The following EPHA6 variants were observed in gnomAD, a reference collection of about 807,000 sequenced individuals.
EPHA6 encodes EPH receptor A6.
EPHA6 carries 50 observed loss-of-function variants against 112.0 expected under a neutral mutation model. That is an observed-to-expected ratio of 0.45 (90% CI 0.36 to 0.56). EPHA6 has a LOEUF of 0.56. EPHA6 is among the 20% of genes least tolerant of loss of function. The probability of loss-of-function intolerance (pLI) is 0.00; values close to 1 mark genes in which losing one functional copy is unlikely to be tolerated. For missense variants in EPHA6, 1,280 were observed against 1,417.4 expected (o/e 0.90, Z 1.56); for synonymous variants, 529 against 490.7 (o/e 1.08, Z -1.03).
At chr3:97,609,120 A>G (rs1419146180) in intron 12 of EPHA6, among the ~76,000 whole-genome samples, 2 of 151,402 alleles carry the variant, frequency 1.3e-5, no homozygotes, top group East Asian at 3.9e-4. Context: ...TTCCTCTGAC[A>G]GCAACAGTCA....
intron 14 of EPHA6, among the ~76,000 whole-genome samples, chr3:97,684,660 G>A (rs922443377): frequency 2.0e-5 from 3 of 152,110 alleles, no homozygotes; most frequent in South Asian, 2.1e-4. Context: ...ACTGCAAAGC[G>A]ATTTTTAAGA....
chr3:97,024,352 T>C lies in EPHA6; in HGVS notation c.1114+36359T>C, dbSNP rs1463636602. Among the ~76,000 whole-genome samples the C allele has an allele frequency of 2.0e-5, 3 of 152,186 alleles. No individual in the cohort carries two copies. In the East Asian group the frequency reaches 5.8e-4, roughly 29 times the overall value. ...AATATGTCTTTATTGTAGCTTGCTG[T>C]GATTTCATGTAAAGAACATGCCATT... is the stretch of plus-strand genomic sequence containing the variant. On this transcript the variant is annotated intron_variant, in intron 3 of 17. Transcript: ENST00000389672.
chr3:97,391,122 A>C (rs2086370792), intron 5 of EPHA6, among the ~76,000 whole-genome samples: 2 of 151,896 alleles, frequency 1.3e-5, no homozygotes, highest in African/African-American at 4.8e-5. Context: ...TATTATAATT[A>C]TCTTTTTTTT....
chr3:97,520,836 A>T (rs1003126267), intron 10 of EPHA6, among the ~76,000 whole-genome samples: 4 of 152,176 alleles, frequency 2.6e-5, no homozygotes, highest in Non-Finnish European at 5.9e-5. Context: ...AACATTGAAA[A>T]TTTGAATATT....
Position 97,747,514 on chromosome 3 carries a change from AAT to A in EPHA6, c.3222_3223del (p.Asn1074LysfsTer11). The A allele has an allele frequency of 6.2e-7, 1 of 1,611,100 alleles. No individual in the cohort carries two copies. Among genetic ancestry groups the A allele is most frequent in the Non-Finnish European group, 8.5e-7 (1 of 1,178,384 alleles). ...LDSIKMGQYK[N>X]NFVAAGFTTF... ...TTCTATAAAGATGGGGCAATACAAG[AAT>A]AACTTCGTGGCAGCAGGGTTTACAA... is the stretch of plus-strand genomic sequence containing the variant. On this transcript the variant is annotated frameshift_variant, in exon 17 of 18. Coordinates refer to ENST00000389672, the MANE Select transcript of EPHA6 (RefSeq NM_001080448.3). LOFTEE classifies it high-confidence loss of function.
intron 3 of EPHA6, among the ~76,000 whole-genome samples, chr3:97,019,067 A>G (rs904196077): frequency 6.6e-6 from 1 of 152,200 alleles, no homozygotes; most frequent in Non-Finnish European, 1.5e-5. Flanking sequence ...AGGGAGGATT[A>G]TTATAGTATT....
chr3:97,240,624 G>A (rs770250477), intron 4 of EPHA6, among the ~76,000 whole-genome samples: 4 of 151,834 alleles, frequency 2.6e-5, no homozygotes, highest in South Asian at 2.1e-4. Flanking sequence ...GATTATAAAC[G>A]TGAAACATAA....
chr3:97,017,369 C>T (rs78025523), intron 3 of EPHA6, among the ~76,000 whole-genome samples: 3,644 of 152,222 alleles, frequency 0.024, 155 homozygotes, highest in African/African-American at 0.083. Flanking sequence ...GAAAGCAAAA[C>T]CAGGCTGAAC....
chr3:97,582,688 A>G (rs1206566685), intron 11 of EPHA6, among the ~76,000 whole-genome samples: 2 of 152,176 alleles, frequency 1.3e-5, no homozygotes, highest in South Asian at 2.1e-4. Flanking sequence ...TTCCCTGATT[A>G]TCTACAAAAC....
chr3:97,523,532 AG>A (rs1469082858), intron 10 of EPHA6, among the ~76,000 whole-genome samples: 7 of 152,066 alleles, frequency 4.6e-5, no homozygotes, highest in South Asian at 4.1e-4. Flanking sequence ...TATACCTGTT[AG>A]GTCCATTTGG....
At chr3:97,176,398 A>G (rs2076835910) in intron 3 of EPHA6, among the ~76,000 whole-genome samples, 2 of 151,804 alleles carry the variant, frequency 1.3e-5, no homozygotes, top group South Asian at 4.1e-4. Context: ...GTAGTGGGAT[A>G]ATACTGGGCT....
At chr3:97,133,605 G>T (rs920774513) in intron 3 of EPHA6, among the ~76,000 whole-genome samples, 1 of 151,936 alleles carries the variant, frequency 6.6e-6, no homozygotes, top group Non-Finnish European at 1.5e-5. Context: ...CAAACATAAA[G>T]TTACAATGTA....
chr3:96,939,802 G>C (rs1487258748), intron 2 of EPHA6, among the ~76,000 whole-genome samples: 1 of 152,116 alleles, frequency 6.6e-6, no homozygotes, highest in Non-Finnish European at 1.5e-5. Context: ...GGTATGTTGT[G>C]TCTTTGTTCC....
chr3:96,934,023 A>G (rs749784595), intron 2 of EPHA6, among the ~76,000 whole-genome samples: 7 of 152,006 alleles, frequency 4.6e-5, no homozygotes, highest in Non-Finnish European at 8.8e-5. Context: ...AATAAATTTG[A>G]TATTTATTAC....
intron 5 of EPHA6, among the ~76,000 whole-genome samples, chr3:97,384,765 A>G (rs1263436525): frequency 6.6e-6 from 1 of 151,986 alleles, no homozygotes; most frequent in South Asian, 2.1e-4. Flanking sequence ...CTTTTTTGAT[A>G]TTTACAATTT....
chr3:96,928,090 A>G (rs187614240), intron 2 of EPHA6, among the ~76,000 whole-genome samples: 16 of 152,198 alleles, frequency 1.1e-4, no homozygotes, highest in African/African-American at 3.9e-4. Context: ...CCCCCATGAC[A>G]TGATCACCTC....
intron 5 of EPHA6, among the ~76,000 whole-genome samples, chr3:97,324,395 G>GCTTTCCTTCTTTTCTTTCTTTCTTT (rs2108793323): frequency 8.2e-6 from 1 of 121,564 alleles, no homozygotes; most frequent in African/African-American, 3.0e-5. Flanking sequence ...AGATTTCTTT[G>GCTTTCCTTCTTTTCTTTCTTTCTTT]CTTTCCTTCT....
chr3:97,210,547 A>G (rs2077840850), intron 3 of EPHA6, among the ~76,000 whole-genome samples: 1 of 152,132 alleles, frequency 6.6e-6, no homozygotes, highest in African/African-American at 2.4e-5. Flanking sequence ...ATTATTCTTT[A>G]AAAGTGTGAT....
chr3:96,850,157 G>A (rs1018955676), intron 1 of EPHA6, among the ~76,000 whole-genome samples: 6 of 152,082 alleles, frequency 3.9e-5, no homozygotes, highest in Admixed American at 3.9e-4. Flanking sequence ...GGAAGGAGCT[G>A]TGGTTTGGAG....
Sources: allele counts gnomAD v4.1 joint callset (sites outside exome capture counted in the v4.1 genomes callset), GRCh38; gene constraint gnomAD v4.1.1; transcripts MANE v1.5; gene names NCBI Gene and HGNC (gene_info 2026-07-23, HGNC 2026-07-21).